Variants in HOOK3 observed in about 807,000 individuals in gnomAD.
HOOK3 encodes hook microtubule tethering protein 3, also known as protein Hook homolog 3.
Under a neutral mutation model 116.3 loss-of-function variants are expected in HOOK3, and 24 were observed. The ratio of observed to expected loss-of-function variants is 0.21; its 90% CI spans 0.15 to 0.29. HOOK3 has a LOEUF of 0.29. Among genes scored for constraint, HOOK3 ranks in the 10% least tolerant of loss-of-function variants. The pLI is 1.00. For missense variants in HOOK3, 632 were observed against 830.2 expected (o/e 0.76, Z 2.93); for synonymous variants, 275 against 283.0 (o/e 0.97, Z 0.28).
In HOOK3 at chr8:43,003,801, GTC is replaced by G. The variant is rs1809421731; in HGVS notation, c.1655+1664_1655+1665del. Among the ~76,000 whole-genome samples the G allele has an allele frequency of 2.0e-5, 3 of 152,250 alleles. No individual in the cohort carries two copies. The South Asian group carries it at 6.2e-4, about 32-fold the overall frequency. ...TTTTGGTTGTAGACAGATCACTCCAGTCTCTTTCTCCACCTTCACATGTCATT... is the reference window on the plus strand; with the variant it reads ...TTTTGGTTGTAGACAGATCACTCCAGTCTTTCTCCACCTTCACATGTCATT... On this transcript the variant is annotated intron_variant, in intron 17 of 21. Coordinates refer to ENST00000307602, the MANE Select transcript of HOOK3 (RefSeq NM_032410.4).
chr8:42,931,952 A>G (rs1807883553), intron 4 of HOOK3, among the ~76,000 whole-genome samples: 1 of 151,880 alleles, frequency 6.6e-6, no homozygotes, highest in South Asian at 2.1e-4. Flanking sequence ...ACAGGGTTTC[A>G]CCATATTGGC....
At chr8:43,005,197 C>CTATA (rs1311073240) in intron 17 of HOOK3, among the ~76,000 whole-genome samples, 1,811 of 56,660 alleles carry the variant, frequency 0.032, 21 homozygotes, top group Middle Eastern at 0.048. Context: ...CTCTCTCTCT[C>CTATA]TCTATATATA....
chr8:42,995,526 G>A (rs545008129), intron 15 of HOOK3, among the ~76,000 whole-genome samples: 2 of 151,796 alleles, frequency 1.3e-5, no homozygotes, highest in Non-Finnish European at 2.9e-5. Flanking sequence ...TGATTGATCC[G>A]CCATGGGCCT....
Position 43,022,247 on chromosome 8 carries a change from T to G in HOOK3, c.*3749T>G, listed in dbSNP as rs1172237013. On this transcript the variant is annotated 3_prime_UTR_variant, in exon 22 of 22. Transcript: ENST00000307602. ...TAATGATTAATGATTCCTCAGGAGA[T>G]TCGTGATGTTGTCTGGTCTATCTGG... 2 of 211,458 alleles carry G rather than the reference T, an allele frequency of 9.5e-6. No individual in the cohort carries two copies. The highest frequency in any genetic ancestry group is 1.9e-5 in the Non-Finnish European group (2 of 104,442). 13.1% of individuals were successfully genotyped at this position (211,458 alleles called of 1,614,324 possible).
chr8:42,945,020 G>A (rs888168262), intron 5 of HOOK3, among the ~76,000 whole-genome samples: 1 of 152,076 alleles, frequency 6.6e-6, no homozygotes, highest in Non-Finnish European at 1.5e-5. Context: ...ATGAGATTAA[G>A]AGCATGAGCT....
chr8:42,932,830 T>C (rs1041355295), intron 4 of HOOK3, among the ~76,000 whole-genome samples: 5 of 152,144 alleles, frequency 3.3e-5, no homozygotes, highest in Non-Finnish European at 7.3e-5. Context: ...GAGCCTACAC[T>C]GCCGTTCAGT....
At chr8:42,923,219 G>A (rs1203440371) in intron 2 of HOOK3, among the ~76,000 whole-genome samples, 1 of 152,178 alleles carries the variant, frequency 6.6e-6, no homozygotes, top group Non-Finnish European at 1.5e-5. Context: ...ACGAGTATTG[G>A]CAAGGCTGTA....
rs760515209 is a variant in HOOK3 at position 42,957,087 on chromosome 8, A to C, written c.469-7A>C. ...CATAGTTATAATCATTTAAATCTTG[A>C]TTTCAGCTGATGAGTAAAGAATCTC... On this transcript the variant is annotated splice_region_variant and splice_polypyrimidine_tract_variant and intron_variant, in intron 6 of 21. Coordinates refer to ENST00000307602, the MANE Select transcript of HOOK3 (RefSeq NM_032410.4). The C allele has an allele frequency of 4.5e-6, 7 of 1,565,152 alleles. No individual in the cohort carries two copies. In the Admixed American group the frequency reaches 1.2e-4, roughly 27 times the overall value.
chr8:42,988,513 A>C (rs990829885), intron 15 of HOOK3, among the ~76,000 whole-genome samples: 2 of 152,190 alleles, frequency 1.3e-5, no homozygotes, highest in African/African-American at 4.8e-5. Context: ...GTGGATGACT[A>C]ATCACCACCC....
chr8:42,921,727 C>T (rs752959760), intron 2 of HOOK3, among the ~76,000 whole-genome samples: 3 of 152,174 alleles, frequency 2.0e-5, no homozygotes, highest in African/African-American at 7.2e-5. Flanking sequence ...GACCAAATGA[C>T]AGCTGGTCTT....
At chr8:42,915,079 A>G (rs1028627626) in intron 2 of HOOK3, among the ~76,000 whole-genome samples, 2 of 152,200 alleles carry the variant, frequency 1.3e-5, no homozygotes, top group Non-Finnish European at 2.9e-5. Context: ...TTCCCTAGAT[A>G]AGGAGTTTTG....
intron 14 of HOOK3, 129 bp downstream of exon 14, chr8:42,982,825 A>G (rs1808977801): frequency 1.6e-6 from 1 of 641,116 alleles, no homozygotes; most frequent in South Asian, 2.0e-5. Flanking sequence ...CTCAGTGTTA[A>G]ATTTTTATGT....
At position 42,948,386 on chromosome 8, in the gene HOOK3, T is replaced by A. The variant is rs1001784473; in HGVS notation, c.401-2002T>A. On this transcript the variant is annotated intron_variant, in intron 5 of 21. Transcript: ENST00000307602. Reference sequence around the variant, plus strand: ...TTTTGGACTTTTAAAGATTCATAAATTTTTTTATTTAAAAAACTGTACAGT... The same window carrying A: ...TTTTGGACTTTTAAAGATTCATAAAATTTTTTATTTAAAAAACTGTACAGT... Among the ~76,000 whole-genome samples the A allele has an allele frequency of 6.6e-5, 10 of 152,294 alleles. No individual in the cohort carries two copies. In the East Asian group the frequency reaches 1.9e-3, roughly 29 times the overall value.
intron 2 of HOOK3, among the ~76,000 whole-genome samples, chr8:42,916,094 A>T (rs564312142): frequency 6.6e-6 from 1 of 152,130 alleles, no homozygotes; most frequent in Non-Finnish European, 1.5e-5. Context: ...CTGCCTCTCC[A>T]TCAGATGTTC....
intron 8 of HOOK3, among the ~76,000 whole-genome samples, chr8:42,962,654 C>G (rs1306981157): frequency 6.6e-6 from 1 of 152,004 alleles, no homozygotes; most frequent in African/African-American, 2.4e-5. Context: ...ATCCTCCTCC[C>G]TCAGTCTCCC....
At chr8:42,991,413 T>TC (rs1809158299) in intron 15 of HOOK3, among the ~76,000 whole-genome samples, 2 of 149,460 alleles carry the variant, frequency 1.3e-5, no homozygotes, top group Non-Finnish European at 3.0e-5. Flanking sequence ...TTTTTTTTTT[T>TC]CCTTTTGGAG....
chr8:42,959,718 G>GAAAAAAAAAAAAAAA (rs529721762), intron 8 of HOOK3, among the ~76,000 whole-genome samples: 1 of 29,040 alleles, frequency 3.4e-5, no homozygotes, highest in Non-Finnish European at 6.4e-5. Context: ...GACTACATCT[G>GAAAAAAAAAAAAAAA]AAAAAAAAAA....
rs35453507 is a variant in HOOK3 at position 43,029,742 on chromosome 8, CT to C, written c.*11252del. 8 of 199,966 alleles carry C rather than the reference CT, an allele frequency of 4.0e-5. No individual in the cohort carries two copies. Among genetic ancestry groups the C allele is most frequent in the East Asian group, 7.8e-5 (1 of 12,788 alleles). 12.4% of individuals were successfully genotyped at this position (199,966 alleles called of 1,614,324 possible). A position where few individuals can be genotyped will look rare whatever the true frequency, so the allele number is the denominator to read the frequency against. On this transcript the variant is annotated 3_prime_UTR_variant, in exon 22 of 22. Transcript: ENST00000307602. Reference sequence around the variant, plus strand: ...CAAAAAACTTGGGGATAGAAAGAGGCTTTTTTTTCCCCCTGTAGTATTTTTA... The same window carrying C: ...CAAAAAACTTGGGGATAGAAAGAGGCTTTTTTTCCCCCTGTAGTATTTTTA...
At chr8:42,963,558 G>A (rs1563302355) in intron 8 of HOOK3, among the ~76,000 whole-genome samples, 1 of 152,144 alleles carries the variant, frequency 6.6e-6, no homozygotes, top group South Asian at 2.1e-4. Flanking sequence ...TCAGTCATGT[G>A]GTAGTTGCAT....
Sources: allele counts gnomAD v4.1 joint callset (sites outside exome capture counted in the v4.1 genomes callset), GRCh38; gene constraint gnomAD v4.1.1; transcripts MANE v1.5; gene names NCBI Gene and HGNC (gene_info 2026-07-23, HGNC 2026-07-21).